Variants in SORBS2 observed in about 807,000 individuals in gnomAD.
SORBS2 encodes the protein sorbin and SH3 domain-containing protein 2.
Under a neutral mutation model 97.7 loss-of-function variants are expected in SORBS2, and 46 were observed. That is an observed-to-expected ratio of 0.47 (90% confidence interval 0.37 to 0.60). SORBS2 has a LOEUF of 0.60. Ranked by LOEUF, SORBS2 falls within the 20% of genes least tolerant of loss-of-function variation. The pLI, the probability that SORBS2 is intolerant of heterozygous loss-of-function variation, is 0.00. For synonymous variants in SORBS2, 476 were observed against 473.4 expected (o/e 1.01, Z -0.07); for missense variants, 1,316 against 1,282.3 (o/e 1.03, Z -0.40).
At chr4:185,785,561 A>G (rs918564309) in intron 1 of SORBS2, among the ~76,000 whole-genome samples, 1 of 152,198 alleles carries the variant, frequency 6.6e-6, no homozygotes, top group Non-Finnish European at 1.5e-5. Flanking sequence ...ACCCGCCACC[A>G]TCAAACCCAA....
intron 2 of SORBS2, among the ~76,000 whole-genome samples, chr4:185,724,963 C>A (rs984009094): frequency 2.6e-5 from 4 of 152,156 alleles, no homozygotes; most frequent in Non-Finnish European, 5.9e-5. Context: ...TCTTTTTCAC[C>A]ATTTATCTCT....
chr4:185,775,474 C>A (rs2098995309), intron 1 of SORBS2, 108 bp from the exon 2 acceptor site: 1 of 152,276 alleles, frequency 6.6e-6, no homozygotes, highest in Non-Finnish European at 1.5e-5. Flanking sequence ...GCATTAACAG[C>A]AGCCGGGGTT....
intron 2 of SORBS2, among the ~76,000 whole-genome samples, chr4:185,713,430 C>T (rs2098440404): frequency 6.6e-6 from 1 of 152,182 alleles, no homozygotes; most frequent in Admixed American, 6.5e-5. Flanking sequence ...CTCTTTCCCA[C>T]CACAAGGATT....
chr4:185,777,188 A>G (rs1490163952), intron 1 of SORBS2, among the ~76,000 whole-genome samples: 1 of 152,198 alleles, frequency 6.6e-6, no homozygotes, highest in African/African-American at 2.4e-5. Context: ...TCTAATCTGA[A>G]TTTTATAAAT....
chr4:185,879,849 C>G (rs919292003), intron 1 of SORBS2, among the ~76,000 whole-genome samples: 1 of 152,246 alleles, frequency 6.6e-6, no homozygotes, highest in African/African-American at 2.4e-5. Context: ...ACTGGAGCAT[C>G]AGCACGGTGA....
At chr4:185,925,644 C>T (rs1411699445) in intron 1 of SORBS2, among the ~76,000 whole-genome samples, 1 of 152,084 alleles carries the variant, frequency 6.6e-6, no homozygotes, top group Non-Finnish European at 1.5e-5. Flanking sequence ...ACATTATTTA[C>T]TCACTCTACA....
chr4:185,816,726 C>A (rs2099193462), intron 1 of SORBS2, among the ~76,000 whole-genome samples: 1 of 152,104 alleles, frequency 6.6e-6, no homozygotes. Context: ...TGCCCAAAAC[C>A]AAAACAAACC....
chr4:185,932,343 A>G (rs1333110912), intron 1 of SORBS2, among the ~76,000 whole-genome samples: 1 of 151,650 alleles, frequency 6.6e-6, no homozygotes, highest in Non-Finnish European at 1.5e-5. Context: ...AACTTTTAAT[A>G]ACCACACACG....
intron 2 of SORBS2, chr4:185,761,583 GT>G (rs1018589161): frequency 6.6e-6 from 1 of 152,224 alleles, no homozygotes; most frequent in African/African-American, 2.4e-5. Context: ...ACAAATGATT[GT>G]TGTGCTTATT....
chr4:185,708,688 C>T (rs922400266), intron 2 of SORBS2, among the ~76,000 whole-genome samples: 1 of 152,176 alleles, frequency 6.6e-6, no homozygotes, highest in Non-Finnish European at 1.5e-5. Flanking sequence ...TTTACCCCTT[C>T]CCAGTGCTTT....
chr4:185,776,306 C>T (rs2098999291), intron 1 of SORBS2, among the ~76,000 whole-genome samples: 1 of 152,120 alleles, frequency 6.6e-6, no homozygotes, highest in Non-Finnish European at 1.5e-5. Flanking sequence ...AGACTATTCA[C>T]ATCATGGCAG....
intron 1 of SORBS2, among the ~76,000 whole-genome samples, chr4:185,943,709 C>T (rs1006774659): frequency 6.6e-6 from 1 of 152,046 alleles, no homozygotes; most frequent in African/African-American, 2.4e-5. Context: ...TTAAAAAGAA[C>T]AATTGAAAAA....
chr4:185,634,773 C>T (rs1412904835), intron 4 of SORBS2, among the ~76,000 whole-genome samples: 1 of 152,074 alleles, frequency 6.6e-6, no homozygotes, highest in Middle Eastern at 3.2e-3. Flanking sequence ...GTTATAGTGG[C>T]TGCCTGGATT....
chr4:185,809,641 G>A (rs1445640626), intron 1 of SORBS2, among the ~76,000 whole-genome samples: 7 of 152,024 alleles, frequency 4.6e-5, no homozygotes. Flanking sequence ...CAAAATTGTT[G>A]AATTATTAAC....
chr4:185,586,901 A>G lies in SORBS2; in HGVS notation c.*726T>C, dbSNP rs189891480. The G allele has an allele frequency of 5.2e-5, 8 of 152,770 alleles. No homozygotes were observed. The East Asian group carries it at 1.5e-3, about 29-fold the overall frequency. The allele number at this position is 152,770 out of a possible 1,614,324, so 9.5% of individuals were successfully genotyped here. Reference sequence around the variant, plus strand: ...GCCTAGCTCAGCCTCTTGTATTGTCATGATTATTACCGAAGGCTTTTATTT... The same window carrying G: ...GCCTAGCTCAGCCTCTTGTATTGTCGTGATTATTACCGAAGGCTTTTATTT... On this transcript the variant is annotated 3_prime_UTR_variant, in exon 15 of 15. Transcript: ENST00000418609.
chr4:185,810,670 A>G (rs1391275735), intron 1 of SORBS2: 1 of 152,148 alleles, frequency 6.6e-6, no homozygotes, highest in African/African-American at 2.4e-5. Flanking sequence ...CTTACCAGGG[A>G]TTTTGATTTG....
intron 1 of SORBS2, among the ~76,000 whole-genome samples, chr4:185,839,608 G>C (rs1450117857): frequency 6.6e-6 from 1 of 152,186 alleles, no homozygotes; most frequent in Non-Finnish European, 1.5e-5. Flanking sequence ...AGCTTTATGT[G>C]CTTGTAATTT....
intron 1 of SORBS2, among the ~76,000 whole-genome samples, chr4:185,817,680 C>A (rs1040925971): frequency 1.3e-5 from 2 of 152,208 alleles, no homozygotes; most frequent in Admixed American, 1.3e-4. Flanking sequence ...GCTCAGCAAA[C>A]AAAACCTGGC....
At chr4:185,615,900 T>C (rs370623848) in intron 9 of SORBS2, among the ~76,000 whole-genome samples, 154 of 152,344 alleles carry the variant, frequency 1.0e-3, no homozygotes, top group African/African-American at 3.4e-3. Flanking sequence ...GTATATTTGA[T>C]TTGGGTATTT....
Sources: gnomAD v4.1 joint callset for allele counts (sites outside exome capture counted in the v4.1 genomes callset) on GRCh38, gnomAD v4.1.1 for gene constraint, MANE v1.5 for transcripts, NCBI Gene and HGNC (gene_info 2026-07-23, HGNC 2026-07-21) for gene names.